The following PPM1H variants were observed in gnomAD, a reference collection of about 807,000 sequenced individuals.
The protein encoded by PPM1H is protein phosphatase 1H.
A neutral mutation model predicts 54.9 loss-of-function variants in PPM1H; 27 were observed. The ratio of observed to expected loss-of-function variants is 0.49; its 90% CI spans 0.36 to 0.68. PPM1H has a LOEUF of 0.68. PPM1H is among the 30% of genes least tolerant of loss of function. The probability of loss-of-function intolerance (pLI) is 0.00; values close to 1 mark genes in which losing one functional copy is unlikely to be tolerated. For missense variants in PPM1H, 596 were observed against 667.8 expected (o/e 0.89, Z 1.19); for synonymous variants, 305 against 270.8 (o/e 1.13, Z -1.24).
intron 8 of PPM1H, among the ~76,000 whole-genome samples, chr12:62,674,568 C>T (rs2075975157): frequency 6.6e-6 from 1 of 152,202 alleles, no homozygotes; most frequent in African/African-American, 2.4e-5. Context: ...AGTAGTCTAT[C>T]TACTTTACTT....
At chr12:62,908,321 C>T (rs1033646506) in intron 1 of PPM1H, among the ~76,000 whole-genome samples, 4 of 148,024 alleles carry the variant, frequency 2.7e-5, no homozygotes, top group African/African-American at 7.4e-5. Flanking sequence ...GCAGGAGAAT[C>T]GCTTGAACCC....
At chr12:62,860,650 C>T (rs974134047) in intron 1 of PPM1H, among the ~76,000 whole-genome samples, 4 of 152,162 alleles carry the variant, frequency 2.6e-5, no homozygotes, top group Non-Finnish European at 5.9e-5. Flanking sequence ...CGTACTGAAT[C>T]CCTGACGCAT....
At chr12:62,666,571 T>G (rs141904755) in intron 9 of PPM1H, among the ~76,000 whole-genome samples, 2 of 152,350 alleles carry the variant, frequency 1.3e-5, no homozygotes, top group African/African-American at 4.8e-5. Context: ...AGAAATGGGA[T>G]TATTTCTACT....
chr12:62,769,952 A>G (rs1430978871), intron 4 of PPM1H, among the ~76,000 whole-genome samples: 1 of 152,204 alleles, frequency 6.6e-6, no homozygotes, highest in East Asian at 1.9e-4. Context: ...GGCTCAGTAA[A>G]TTAGTACTTT....
chr12:62,769,542 G>C (rs2076565529), intron 4 of PPM1H, among the ~76,000 whole-genome samples: 1 of 152,126 alleles, frequency 6.6e-6, no homozygotes, highest in African/African-American at 2.4e-5. Flanking sequence ...TATGAAGATG[G>C]GTTTGTTGGT....
chr12:62,794,748 G>A (rs1223602517), intron 3 of PPM1H, among the ~76,000 whole-genome samples: 1 of 152,148 alleles, frequency 6.6e-6, no homozygotes, highest in East Asian at 1.9e-4. Flanking sequence ...ATGTTTTTGG[G>A]AGGGTGGAGA....
In PPM1H at chr12:62,831,699, GTGTGTGTA is replaced by G. The variant is rs1360173716; in HGVS notation, c.411+407_411+414del. 2.3e-3 allele frequency among the ~76,000 whole-genome samples: 283 copies of G among 123,580 alleles called. 2 individuals carry two copies. Among genetic ancestry groups the G allele is most frequent in the African/African-American group, 8.0e-3 (261 of 32,700 alleles). 81.1% of individuals were successfully genotyped at this position (123,580 alleles called of 152,430 possible). On this transcript the variant is annotated intron_variant, in intron 2 of 9. Coordinates refer to ENST00000228705, the MANE Select transcript of PPM1H (RefSeq NM_020700.2). Reference sequence around the variant, plus strand: ...GGCTCCTTTGAAACCGTCAAACATTGTGTGTGTATGTGTGTGTGTGTGTGTGTGTGAGT... The same window carrying G: ...GGCTCCTTTGAAACCGTCAAACATTGTGTGTGTGTGTGTGTGTGTGTGAGT...
intron 9 of PPM1H, among the ~76,000 whole-genome samples, chr12:62,652,858 T>C (rs1012807944): frequency 5.3e-5 from 8 of 152,200 alleles, no homozygotes; most frequent in African/African-American, 1.9e-4. Context: ...ATGAAACTAC[T>C]CCTTGCTTCT....
rs146320023 is a variant in PPM1H at position 62,727,637 on chromosome 12, ATATTATTATTAT to A, written c.955-7360_955-7349del. The stretch of plus-strand genomic sequence containing the variant: ...ATTAGCAGTTGATATTAAAATGCAA[ATATTATTATTAT>A]TATTATTATTATTATTATTATTATT... On this transcript the variant is annotated intron_variant, in intron 5 of 9. Transcript: ENST00000228705. 4.1e-3 allele frequency among the ~76,000 whole-genome samples: 580 copies of A among 139,808 alleles called. 5 individuals are homozygous for A. Among genetic ancestry groups the A allele is most frequent in the African/African-American group, 0.014 (542 of 38,230 alleles). 91.7% of individuals were successfully genotyped at this position (139,808 alleles called of 152,430 possible). A position where few individuals can be genotyped will look rare whatever the true frequency, so the allele number is the denominator to read the frequency against.
At chr12:62,731,264 T>G (rs1429984613) in intron 5 of PPM1H, among the ~76,000 whole-genome samples, 3 of 151,896 alleles carry the variant, frequency 2.0e-5, no homozygotes, top group Non-Finnish European at 4.4e-5. Flanking sequence ...GGGACTGGAG[T>G]GGATTTTTTT....
chr12:62,810,104 G>C (rs531463974), intron 2 of PPM1H, among the ~76,000 whole-genome samples: 3 of 152,014 alleles, frequency 2.0e-5, no homozygotes, highest in Non-Finnish European at 4.4e-5. Context: ...ATAGATGTTC[G>C]ATAAATACTT....
rs1490299397 is a variant in PPM1H, at chr12:62,720,615, G to A, written c.955-326C>T. The A allele has an allele frequency of 5.4e-5, 14 of 256,928 alleles. No homozygotes were observed. The East Asian group carries it at 8.3e-4, about 15-fold the overall frequency. 15.9% of individuals were successfully genotyped at this position (256,928 alleles called of 1,614,324 possible). A position where few individuals can be genotyped will look rare whatever the true frequency, so the allele number is the denominator to read the frequency against. On this transcript the variant is annotated intron_variant, in intron 5 of 9. Transcript: ENST00000228705. ...TCCAAATGGTATACTGGTGAGATACGGGGTGAGAAAGCTCCCTGACGTGGT... is the reference window on the plus strand; with the variant it reads ...TCCAAATGGTATACTGGTGAGATACAGGGTGAGAAAGCTCCCTGACGTGGT...
chr12:62,648,604 C>T lies in PPM1H; in HGVS notation c.1430G>A (p.Arg477His), dbSNP rs540042623. ...YTLAAQDLVM[R>H]ARGVLKDRGW... Reference sequence around the variant, plus strand: ...TCTGTCCTTCAGCACACCCCGGGCACGCATCACCAGGTCCTGAGCTGCCAG... The same window carrying T: ...TCTGTCCTTCAGCACACCCCGGGCATGCATCACCAGGTCCTGAGCTGCCAG... Residue 477 changes from arginine (R) to histidine (H), a missense_variant, in exon 10 of 10, where the codon CGT becomes CAT. By Grantham distance (29) the Arg-to-His change is conservative. Around this residue, in one of 3 missense-constraint regions of PPM1H, gnomAD observed 208 missense variants for 259.5 expected, o/e 0.80. Coordinates refer to ENST00000228705, the MANE Select transcript of PPM1H (RefSeq NM_020700.2). The T allele has an allele frequency of 8.6e-5, 138 of 1,613,964 alleles. No individual in the cohort carries two copies. The Middle Eastern group carries it at 1.2e-3, about 14-fold the overall frequency.
intron 9 of PPM1H, among the ~76,000 whole-genome samples, chr12:62,662,195 CTTAG>C (rs1179115220): frequency 6.6e-6 from 1 of 152,100 alleles, no homozygotes; most frequent in African/African-American, 2.4e-5. Context: ...ACCAAGCCAG[CTTAG>C]ACACAGAAAA....
At chr12:62,894,808 G>C (rs1008632615) in intron 1 of PPM1H, among the ~76,000 whole-genome samples, 1 of 152,182 alleles carries the variant, frequency 6.6e-6, no homozygotes, top group African/African-American at 2.4e-5. Context: ...AAAGAGGAAG[G>C]CTCAATTGAG....
intron 5 of PPM1H, among the ~76,000 whole-genome samples, chr12:62,722,072 G>C (rs779739436): frequency 2.6e-5 from 4 of 152,008 alleles, no homozygotes; most frequent in Non-Finnish European, 5.9e-5. Flanking sequence ...AACTAAGCAC[G>C]GCACCCTCCG....
intron 1 of PPM1H, among the ~76,000 whole-genome samples, chr12:62,858,062 TACC>T (rs144385020): frequency 0.024 from 3,675 of 151,544 alleles, 68 homozygotes; most frequent in East Asian, 0.077. Flanking sequence ...AATGGACCAT[TACC>T]ACCACCACCA....
intron 4 of PPM1H, among the ~76,000 whole-genome samples, chr12:62,739,573 C>A (rs894823969): frequency 6.6e-6 from 1 of 152,154 alleles, no homozygotes; most frequent in African/African-American, 2.4e-5. Context: ...TCTGCACGGC[C>A]CCTGAATTGC....
At chr12:62,703,755 C>A (rs2076157189) in intron 6 of PPM1H, among the ~76,000 whole-genome samples, 1 of 152,138 alleles carries the variant, frequency 6.6e-6, no homozygotes, top group African/African-American at 2.4e-5. Flanking sequence ...CTCCCCTCTC[C>A]CCACACCCAC....
Sources: gnomAD v4.1 joint callset for allele counts (sites outside exome capture counted in the v4.1 genomes callset) on GRCh38, gnomAD v4.1.1 for gene constraint, gnomAD v4.1.1 regional missense constraint, MANE v1.5 for transcripts, NCBI Gene and HGNC (gene_info 2026-07-23, HGNC 2026-07-21) for gene names.